The following COG5 variants were observed in gnomAD, a reference collection of about 807,000 sequenced individuals.
COG5 encodes conserved oligomeric Golgi complex subunit 5.
COG5 carries 86 observed loss-of-function variants against 110.4 expected under a neutral mutation model. That is an observed-to-expected ratio of 0.78 (90% confidence interval 0.65 to 0.93). The LOEUF (loss-of-function observed/expected upper bound fraction) is 0.93. COG5 is among the 40% of genes least tolerant of loss of function. The pLI, the probability that COG5 is intolerant of heterozygous loss-of-function variation, is 0.00. For synonymous variants in COG5, 360 were observed against 334.6 expected (o/e 1.08, Z -0.83); for missense variants, 1,077 against 987.0 (o/e 1.09, Z -1.22).
intron 6 of COG5, among the ~76,000 whole-genome samples, chr7:107,435,615 T>G (rs754309325): frequency 3.3e-5 from 5 of 152,078 alleles, no homozygotes; most frequent in African/African-American, 4.8e-5. Context: ...ATCGTGCCAC[T>G]GTACTCCAGC....
chr7:107,207,513 G>A (rs1051104231), intron 21 of COG5, among the ~76,000 whole-genome samples: 1 of 152,232 alleles, frequency 6.6e-6, no homozygotes, highest in African/African-American at 2.4e-5. Context: ...AAGAAGAAGA[G>A]TTGCTCTCCA....
chr7:107,426,023 C>G (rs1038936810), intron 6 of COG5, among the ~76,000 whole-genome samples: 1 of 152,176 alleles, frequency 6.6e-6, no homozygotes, highest in Non-Finnish European at 1.5e-5. Context: ...ACTCCCAAGA[C>G]TGCCAGCAAA....
intron 12 of COG5, among the ~76,000 whole-genome samples, chr7:107,295,038 T>TAC (rs1249923848): frequency 0.037 from 1,979 of 53,170 alleles, 78 homozygotes; most frequent in Admixed American, 0.079. Flanking sequence ...CACACACATA[T>TAC]ACACACACAC....
intron 10 of COG5, among the ~76,000 whole-genome samples, chr7:107,361,127 T>C (rs1813077263): frequency 6.6e-6 from 1 of 152,228 alleles, no homozygotes; most frequent in African/African-American, 2.4e-5. Flanking sequence ...GAAACTTTTT[T>C]CTTTGGGCTA....
At chr7:107,420,692 A>G (rs144994726) in intron 6 of COG5, among the ~76,000 whole-genome samples, 1 of 152,072 alleles carries the variant, frequency 6.6e-6, no homozygotes, top group African/African-American at 2.4e-5. Context: ...CGATCTCCTG[A>G]CGTCGTGATC....
intron 21 of COG5, chr7:107,209,134 A>T: frequency 1.0e-6 from 1 of 985,530 alleles, no homozygotes; most frequent in East Asian, 1.1e-4. Flanking sequence ...TCAACTCATC[A>T]CCTGACACAG....
At chr7:107,415,147 A>G (rs1487606746) in intron 6 of COG5, among the ~76,000 whole-genome samples, 1 of 152,196 alleles carries the variant, frequency 6.6e-6, no homozygotes, top group African/African-American at 2.4e-5. Flanking sequence ...TGTTAGCACT[A>G]AATTATTTAT....
intron 7 of COG5, among the ~76,000 whole-genome samples, chr7:107,376,600 T>C (rs144860894): frequency 0.015 from 2,229 of 152,136 alleles, 51 homozygotes; most frequent in African/African-American, 0.052. Flanking sequence ...TATATAACCA[T>C]GGTATTTCTG....
chr7:107,364,351 A>C (rs568225254), intron 8 of COG5, among the ~76,000 whole-genome samples: 2 of 152,320 alleles, frequency 1.3e-5, no homozygotes, highest in East Asian at 3.9e-4. Context: ...GAAAAGCATG[A>C]TCCCTGATTG....
chr7:107,435,126 T>C lies in COG5; in HGVS notation c.539-22494A>G, dbSNP rs182346632. ...TAGTCAAACTCATAGAAACAGAAAG[T>C]AGAATGGTGGTTGCCAGCAGGTGGG... On this transcript the variant is annotated intron_variant, in intron 6 of 21. Coordinates refer to ENST00000297135, the MANE Select transcript of COG5 (RefSeq NM_006348.5). Among the ~76,000 whole-genome samples the C allele has an allele frequency of 5.9e-5, 9 of 152,158 alleles. No homozygotes were observed. The Middle Eastern group carries it at 0.01, about 173-fold the overall frequency.
At chr7:107,413,009 T>A (rs1352822825) in intron 6 of COG5, among the ~76,000 whole-genome samples, 1 of 151,042 alleles carries the variant, frequency 6.6e-6, no homozygotes, top group Non-Finnish European at 1.5e-5. Flanking sequence ...CTGCTGTTGT[T>A]TTTTTTTTAA....
intron 1 of COG5, among the ~76,000 whole-genome samples, chr7:107,560,308 G>C (rs537723583): frequency 1.3e-5 from 2 of 152,308 alleles, no homozygotes; most frequent in Admixed American, 1.3e-4. Flanking sequence ...AAAGTACTAT[G>C]TTAACAGCCT....
chr7:107,241,106 A>C (rs1353231979), intron 17 of COG5, among the ~76,000 whole-genome samples: 2 of 152,242 alleles, frequency 1.3e-5, no homozygotes, highest in Non-Finnish European at 2.9e-5. Flanking sequence ...ACTAACTTTC[A>C]GCTGTTAATG....
chr7:107,353,480 C>T (rs1407506317), intron 10 of COG5, among the ~76,000 whole-genome samples: 1 of 146,374 alleles, frequency 6.8e-6, no homozygotes, highest in Non-Finnish European at 1.5e-5. Flanking sequence ...TAATATTCAA[C>T]GTTAAAATGC....
chr7:107,361,902 C>A (rs1412875268), intron 10 of COG5, 131 bp downstream of exon 10: 5 of 664,236 alleles, frequency 7.5e-6, no homozygotes, highest in South Asian at 1.8e-5. Flanking sequence ...TTATAGTTGT[C>A]AAGAAATACA....
chr7:107,559,072 C>G (rs909649431), intron 1 of COG5, among the ~76,000 whole-genome samples: 2 of 151,712 alleles, frequency 1.3e-5, no homozygotes, highest in Non-Finnish European at 2.9e-5. Flanking sequence ...GATCAATACA[C>G]AAATACTGTT....
chr7:107,538,536 G>A (rs1584945594), intron 5 of COG5, among the ~76,000 whole-genome samples: 1 of 152,048 alleles, frequency 6.6e-6, no homozygotes, highest in East Asian at 1.9e-4. Context: ...GTGGCTGTAA[G>A]ACAACAAAAC....
intron 11 of COG5, among the ~76,000 whole-genome samples, chr7:107,303,870 C>T (rs1001578094): frequency 3.9e-5 from 6 of 152,038 alleles, no homozygotes; most frequent in African/African-American, 1.4e-4. Flanking sequence ...ATAATTTATA[C>T]AAGGAAAATT....
At chr7:107,214,897 G>C (rs1203938514) in intron 19 of COG5, among the ~76,000 whole-genome samples, 1 of 151,128 alleles carries the variant, frequency 6.6e-6, no homozygotes, top group Non-Finnish European at 1.5e-5. Flanking sequence ...CCCCAGCCTG[G>C]GTGATAGAGC....
Sources: gnomAD v4.1 joint callset for allele counts (sites outside exome capture counted in the v4.1 genomes callset) on GRCh38, gnomAD v4.1.1 for gene constraint, MANE v1.5 for transcripts, NCBI Gene and HGNC (gene_info 2026-07-23, HGNC 2026-07-21) for gene names.